RPP14: variants seen among roughly 807,000 people sequenced by gnomAD.
RPP14 encodes the protein ribonuclease P/MRP subunit p14, also known as ribonuclease P protein subunit p14.
RPP14 carries 19 observed loss-of-function variants against 17.8 expected under a neutral mutation model. The ratio of observed to expected loss-of-function variants is 1.07; its 90% confidence interval spans 0.74 to 1.57. The LOEUF (loss-of-function observed/expected upper bound fraction) is 1.57. RPP14 is among the 40% of genes most tolerant of loss of function. The pLI, the probability that RPP14 is intolerant of heterozygous loss-of-function variation, is 0.00. For missense variants in RPP14, 125 were observed against 140.8 expected (o/e 0.89, Z 0.57); for synonymous variants, 60 against 56.4 (o/e 1.06, Z -0.29).
Position 58,319,332 on chromosome 3 carries a change from A to G in RPP14, c.*1836A>G, listed in dbSNP as rs2097491998. 1 of 152,338 alleles carries G rather than the reference A, an allele frequency of 6.6e-6. No individual in the cohort carries two copies. The highest frequency in any genetic ancestry group is 2.4e-5 in the African/African-American group (1 of 41,574). 9.4% of individuals were successfully genotyped at this position (152,338 alleles called of 1,614,324 possible). A position where few individuals can be genotyped will look rare whatever the true frequency, so the allele number is the denominator to read the frequency against. On this transcript the variant is annotated 3_prime_UTR_variant, in exon 6 of 6. Transcript: ENST00000295959. ...GTTATGTAAACGGTCTGATCTGTAA[A>G]ATAGTGGTAGCACATGCCATGTGGG...
At chr3:58,316,491 C>T (rs763028261) in intron 3 of RPP14, 24 bp from the exon 4 acceptor site, 19 of 1,597,208 alleles carry the variant, frequency 1.2e-5, no homozygotes, top group Non-Finnish European at 1.5e-5. Context: ...GAATAGCCTG[C>T]TAATAGCATT....
Position 58,317,753 on chromosome 3 carries a change from C to T in RPP14, c.*257C>T, listed in dbSNP as rs926224923. On this transcript the variant is annotated 3_prime_UTR_variant, in exon 6 of 6. Transcript: ENST00000295959. ...GGAGACCGCGCTGAACTTAGGAGGG[C>T]CTTCACACAGACTGATGTGGCTACC... 2 of 703,294 alleles carry T rather than the reference C, an allele frequency of 2.8e-6. No homozygotes were observed. Among genetic ancestry groups the T allele is most frequent in the South Asian group, 1.5e-5 (1 of 67,610 alleles). 43.6% of individuals were successfully genotyped at this position (703,294 alleles called of 1,614,324 possible). A position where few individuals can be genotyped will look rare whatever the true frequency, so the allele number is the denominator to read the frequency against.
At chr3:58,315,398 G>A (rs968773913) in intron 3 of RPP14, among the ~76,000 whole-genome samples, 2 of 152,112 alleles carry the variant, frequency 1.3e-5, no homozygotes, top group Non-Finnish European at 2.9e-5. Flanking sequence ...AGGGGTGGGT[G>A]TGGCTGTAAA....
At chr3:58,311,649 G>A (rs944105804) in intron 3 of RPP14, among the ~76,000 whole-genome samples, 6 of 149,068 alleles carry the variant, frequency 4.0e-5, no homozygotes, top group East Asian at 2.0e-4. Context: ...CCATTGATGG[G>A]CACTTAAGTT....
chr3:58,310,264 A>G lies in RPP14; in HGVS notation c.-21-45A>G, dbSNP rs76529079. ...CAAATTCTCATCAAAACTCTGAAAA[A>G]TAGCATGTGCATTGGTCATTTCTAG... On this transcript the variant is annotated intron_variant, in intron 1 of 5. Coordinates refer to ENST00000295959, the MANE Select transcript of RPP14 (RefSeq NM_007042.6). 9,048 of 1,441,282 alleles carry G rather than the reference A, an allele frequency of 6.3e-3. 41 individuals are homozygous for G. The highest frequency in any genetic ancestry group is 0.014 in the Admixed American group (727 of 53,762). The allele number at this position is 1,441,282 out of a possible 1,614,324, so 89.3% of individuals were successfully genotyped here.
At chr3:58,312,109 C>T (rs2097482886) in intron 3 of RPP14, among the ~76,000 whole-genome samples, 1 of 152,176 alleles carries the variant, frequency 6.6e-6, no homozygotes, top group Non-Finnish European at 1.5e-5. Flanking sequence ...CTGCCTTGGC[C>T]TCCCAAAGCA....
rs2097492893 is a variant in RPP14, at chr3:58,320,040, G to T, written c.*2544G>T. 1 of 152,064 alleles carries T rather than the reference G, an allele frequency of 6.6e-6. No individual in the cohort carries two copies. The highest frequency in any genetic ancestry group is 2.1e-4 in the South Asian group (1 of 4,820). 9.4% of individuals were successfully genotyped at this position (152,064 alleles called of 1,614,324 possible). A position where few individuals can be genotyped will look rare whatever the true frequency, so the allele number is the denominator to read the frequency against. ...ACTTTCTGTCTCTATGGGTTTCCCTGTTCTGGACATTTCATAAAAGTTCAT... is the reference window on the plus strand; with the variant it reads ...ACTTTCTGTCTCTATGGGTTTCCCTTTTCTGGACATTTCATAAAAGTTCAT... On this transcript the variant is annotated 3_prime_UTR_variant, in exon 6 of 6. Coordinates refer to ENST00000295959, the MANE Select transcript of RPP14 (RefSeq NM_007042.6).
chr3:58,317,869 G>A lies in RPP14; in HGVS notation c.*373G>A, dbSNP rs745922024. The A allele has an allele frequency of 2.0e-5, 14 of 702,936 alleles. No homozygotes were observed. The highest frequency in any genetic ancestry group is 1.9e-4 in the South Asian group (13 of 67,614). 43.5% of individuals were successfully genotyped at this position (702,936 alleles called of 1,614,324 possible). A position where few individuals can be genotyped will look rare whatever the true frequency, so the allele number is the denominator to read the frequency against. On this transcript the variant is annotated 3_prime_UTR_variant, in exon 6 of 6. Coordinates refer to ENST00000295959, the MANE Select transcript of RPP14 (RefSeq NM_007042.6). ...GTTTGGAAATACAATTGTACATGGAGTTTTGATCAACGGACTTATCTCAGC... is the reference window on the plus strand; with the variant it reads ...GTTTGGAAATACAATTGTACATGGAATTTTGATCAACGGACTTATCTCAGC...
chr3:58,310,573 G>A lies in RPP14; in HGVS notation c.144G>A (p.Val48=). The change falls in exon 3 of 6, where the codon GTG becomes GTA. Residue 48 remains valine (V), a synonymous_variant. Coordinates refer to ENST00000295959, the MANE Select transcript of RPP14 (RefSeq NM_007042.6). ...TCAAACAGCTGCTTATTTCGGCTGT[G>A]AAGGACCTGTTTGGGGAGGTATGGA... is the stretch of plus-strand genomic sequence containing the variant. The part of the protein sequence containing the change: ...AQFKQLLISA[V]KDLFGEVDAA... The A allele has an allele frequency of 6.2e-7, 1 of 1,612,684 alleles. No homozygotes were observed. The highest frequency in any genetic ancestry group is 8.5e-7 in the Non-Finnish European group (1 of 1,179,522).
intron 3 of RPP14, among the ~76,000 whole-genome samples, chr3:58,312,662 G>A (rs2097483572): frequency 6.6e-6 from 1 of 152,016 alleles, no homozygotes; most frequent in Non-Finnish European, 1.5e-5. Flanking sequence ...CACTTTTAAT[G>A]AGAAAGTCTC....
At chr3:58,307,142 G>A (rs1233709009) in intron 1 of RPP14, among the ~76,000 whole-genome samples, 1 of 152,236 alleles carries the variant, frequency 6.6e-6, no homozygotes, top group Non-Finnish European at 1.5e-5. Flanking sequence ...CTAGGCCTGT[G>A]TGGTGGCGGG....
At chr3:58,307,639 T>C (rs537890287) in intron 1 of RPP14, 1 of 152,266 alleles carries the variant, frequency 6.6e-6, no homozygotes, top group African/African-American at 2.4e-5. Flanking sequence ...GGAGCGAGAA[T>C]TGCTTCGACC....
chr3:58,314,357 AT>A (rs1451026628), intron 3 of RPP14, among the ~76,000 whole-genome samples: 1 of 152,230 alleles, frequency 6.6e-6, no homozygotes, highest in Admixed American at 6.5e-5. Context: ...TCTCAAAAAA[AT>A]AATAGTAATA....
At position 58,317,448 on chromosome 3, in the gene RPP14, A is replaced by G. The variant is rs1158692400; in HGVS notation, c.327A>G (p.Pro109=). ...KCAFRVIQVS[P]FLLALSGNSR... The stretch of plus-strand genomic sequence containing the variant: ...TTTTCTTTCTCTTCTAGGTTTCTCC[A>G]TTTCTTCTTGCATTATCTGGTAATA... Residue 109 remains proline (P), a synonymous_variant, in exon 6 of 6, where the codon CCA becomes CCG. Transcript: ENST00000295959. 1.3e-6 allele frequency: 2 copies of G among 1,598,414 alleles called. No individual in the cohort carries two copies. The highest frequency in any genetic ancestry group is 2.2e-5 in the South Asian group (2 of 90,578).
chr3:58,318,034 G>A lies in RPP14; in HGVS notation c.*538G>A, dbSNP rs1188204492. 5.7e-6 allele frequency: 4 copies of A among 702,392 alleles called. No individual in the cohort carries two copies. Among genetic ancestry groups the A allele is most frequent in the Non-Finnish European group, 5.2e-6 (2 of 384,910 alleles). The allele number at this position is 702,392 out of a possible 1,614,324, so 43.5% of individuals were successfully genotyped here. ...GCTGAAGCGGTTCATTGCTATTATT[G>A]CAGTGTCATGTTCTGTAATAGAAAG... On this transcript the variant is annotated 3_prime_UTR_variant, in exon 6 of 6. Coordinates refer to ENST00000295959, the MANE Select transcript of RPP14 (RefSeq NM_007042.6).
chr3:58,310,948 G>A (rs1400946163), intron 3 of RPP14, among the ~76,000 whole-genome samples: 1 of 129,122 alleles, frequency 7.7e-6, no homozygotes, highest in Non-Finnish European at 1.6e-5. Flanking sequence ...AATCGAGAAA[G>A]AATGCTTTTC....
chr3:58,306,595 G>C (rs1192132428), intron 1 of RPP14, 178 bp downstream of exon 1: 1 of 152,258 alleles, frequency 6.6e-6, no homozygotes, highest in Non-Finnish European at 1.5e-5. Context: ...GTGGCCGAGA[G>C]GCCCGGGCGA....
Position 58,318,401 on chromosome 3 carries a change from T to C in RPP14, c.*905T>C. On this transcript the variant is annotated 3_prime_UTR_variant, in exon 6 of 6. Coordinates refer to ENST00000295959, the MANE Select transcript of RPP14 (RefSeq NM_007042.6). ...GGCTGGGCCCGGTGGCTCATGCCTG[T>C]AATCCTGGCACTTTGGGAGGCTGCG... 4.3e-6 allele frequency: 1 copy of C among 231,726 alleles called. No homozygotes were observed. Among genetic ancestry groups the C allele is most frequent in the Non-Finnish European group, 8.3e-6 (1 of 120,660 alleles). 14.4% of individuals were successfully genotyped at this position (231,726 alleles called of 1,614,324 possible).
Position 58,319,252 on chromosome 3 carries a change from A to G in RPP14, c.*1756A>G, listed in dbSNP as rs924521185. On this transcript the variant is annotated 3_prime_UTR_variant, in exon 6 of 6. Coordinates refer to ENST00000295959, the MANE Select transcript of RPP14 (RefSeq NM_007042.6). The stretch of plus-strand genomic sequence containing the variant: ...TTACACCAAGGTGGCATCTTAGTCT[A>G]CCTTCAGTGAGACTTGCGTTTCAGG... The G allele has an allele frequency of 6.6e-6, 1 of 152,212 alleles. No individual in the cohort carries two copies. 9.4% of individuals were successfully genotyped at this position (152,212 alleles called of 1,614,324 possible). A position where few individuals can be genotyped will look rare whatever the true frequency, so the allele number is the denominator to read the frequency against.
Sources: gnomAD v4.1 joint callset for allele counts (sites outside exome capture counted in the v4.1 genomes callset) on GRCh38, gnomAD v4.1.1 for gene constraint, MANE v1.5 for transcripts, NCBI Gene and HGNC (gene_info 2026-07-23, HGNC 2026-07-21) for gene names.